The following HECTD2 variants were observed in gnomAD, a reference collection of about 807,000 sequenced individuals.
HECTD2 encodes HECT domain E3 ubiquitin protein ligase 2.
Under a neutral mutation model 103.2 loss-of-function variants are expected in HECTD2, and 35 were observed. That is an observed-to-expected ratio of 0.34 (90% CI 0.26 to 0.45). HECTD2 has a LOEUF of 0.45. HECTD2 is among the 20% of genes least tolerant of loss of function. The pLI, the probability that HECTD2 is intolerant of heterozygous loss-of-function variation, is 1.00. For missense variants in HECTD2, 596 were observed against 937.4 expected (o/e 0.64, Z 4.76); for synonymous variants, 281 against 329.9 (o/e 0.85, Z 1.61).
intron 2 of HECTD2, among the ~76,000 whole-genome samples, chr10:91,439,016 T>C (rs1263202668): frequency 6.6e-6 from 1 of 152,172 alleles, no homozygotes; most frequent in Non-Finnish European, 1.5e-5. Context: ...ATTTTCTCCA[T>C]TCTGTAGGTT....
chr10:91,451,674 T>A (rs1251790038), intron 2 of HECTD2, among the ~76,000 whole-genome samples: 2 of 152,112 alleles, frequency 1.3e-5, no homozygotes, highest in Non-Finnish European at 2.9e-5. Context: ...ATAAAAAAAT[T>A]AGCATGTTTA....
intron 2 of HECTD2, among the ~76,000 whole-genome samples, chr10:91,450,817 G>T (rs182115596): frequency 1.0e-3 from 156 of 152,224 alleles, no homozygotes; most frequent in African/African-American, 3.2e-3. Context: ...ACCACAATGA[G>T]ATACCATCTC....
chr10:91,484,562 T>C lies in HECTD2; in HGVS notation c.877T>C (p.Leu293=), dbSNP rs748847125. The change falls in exon 9 of 21, where the codon TTA becomes CTA. Residue 293 remains leucine (L), a synonymous_variant. Transcript: ENST00000298068. ...AGAGAGATTGCTGCAATTTATTTCT[T>C]TACGCCTGTTTCCTGCAAAGCCTGA... ...LVERLLQFIS[L]RLFPAKPEEF... 1.9e-6 allele frequency: 3 copies of C among 1,612,428 alleles called. No individual in the cohort carries two copies. In the East Asian group the frequency reaches 6.7e-5, roughly 36 times the overall value.
chr10:91,500,665 CA>C (rs1846864995), intron 19 of HECTD2, 48 bp downstream of exon 19: 1 of 886,130 alleles, frequency 1.1e-6, no homozygotes, highest in Non-Finnish European at 1.9e-6. Flanking sequence ...GAGGGAACAG[CA>C]GACAGTGTGG....
chr10:91,512,324 G>T lies in HECTD2; in HGVS notation c.2271G>T (p.Lys757Asn). Reference protein sequence around the residue: ...QLCLPPYKSKKDLKQKLIIGI... With the variant: ...QLCLPPYKSKNDLKQKLIIGI... ...GCCTTCCCCCCTACAAGAGCAAAAA[G>T]GATCTGAAACAGAAATTGATCATTG... Residue 757 changes from lysine (K) to asparagine (N), a missense_variant, in exon 21 of 21, where the codon AAG becomes AAT. Coordinates refer to ENST00000298068, the MANE Select transcript of HECTD2 (RefSeq NM_182765.6). 6.2e-7 allele frequency: 1 copy of T among 1,613,566 alleles called. No individual in the cohort carries two copies. The highest frequency in any genetic ancestry group is 8.5e-7 in the Non-Finnish European group (1 of 1,179,692).
chr10:91,512,181 G>T (rs1157080994), intron 20 of HECTD2, 83 bp from the exon 21 acceptor site: 1 of 1,397,306 alleles, frequency 7.2e-7, no homozygotes, highest in Non-Finnish European at 9.9e-7. Context: ...GAATGTGTGT[G>T]TCCTGGTATT....
At chr10:91,497,649 G>C (rs1846738496) in intron 15 of HECTD2, among the ~76,000 whole-genome samples, 2 of 151,854 alleles carry the variant, frequency 1.3e-5, no homozygotes, top group African/African-American at 2.4e-5. Context: ...ACTTTTTCTT[G>C]GGAGGGGAGG....
intron 2 of HECTD2, among the ~76,000 whole-genome samples, chr10:91,433,950 G>T (rs1194729837): frequency 1.3e-5 from 2 of 151,920 alleles, no homozygotes; most frequent in African/African-American, 2.4e-5. Context: ...TAAGACATCT[G>T]TTTCACTAAA....
chr10:91,454,302 T>C (rs1407937451), intron 2 of HECTD2, among the ~76,000 whole-genome samples: 1 of 152,130 alleles, frequency 6.6e-6, no homozygotes, highest in East Asian at 1.9e-4. Flanking sequence ...TTTTGAAGAA[T>C]TGAGATAATG....
rs1324225454 is a variant in HECTD2 at position 91,479,308 on chromosome 10, A to G, written c.665+1043A>G. ...GATTTGCTTGGACACTACTATTTTA[A>G]TGTATGTCTTTTTAGTTTCTATCTG... On this transcript the variant is annotated intron_variant, in intron 6 of 20. Transcript: ENST00000298068. 5.9e-5 allele frequency among the ~76,000 whole-genome samples: 9 copies of G among 152,146 alleles called. 1 individual carries two copies. The highest frequency in any genetic ancestry group is 5.9e-4 in the Admixed American group (9 of 15,274).
chr10:91,494,430 A>G (rs1025912243), intron 14 of HECTD2, among the ~76,000 whole-genome samples: 1 of 152,096 alleles, frequency 6.6e-6, no homozygotes, highest in African/African-American at 2.4e-5. Flanking sequence ...TGGGCTTGGT[A>G]GAGAGCAGCA....
At chr10:91,414,920 C>G (rs10786000) in intron 1 of HECTD2, among the ~76,000 whole-genome samples, 150,897 of 152,274 alleles carry the variant, frequency 0.99, 74,768 homozygotes, top group East Asian at 1. Context: ...GAAGCTATTG[C>G]AATTTCTGAA....
intron 6 of HECTD2, among the ~76,000 whole-genome samples, chr10:91,480,367 T>C (rs536405319): frequency 3.8e-4 from 58 of 151,940 alleles, no homozygotes; most frequent in Non-Finnish European, 2.2e-4. Flanking sequence ...CTTGTCAGCA[T>C]AGAGAATGAC....
rs544111946 is a variant in HECTD2, at chr10:91,452,723, C to CA, written c.269-7695dup. Among the ~76,000 whole-genome samples the CA allele has an allele frequency of 1.1e-3, 158 of 149,752 alleles. 1 individual carries two copies. Among genetic ancestry groups the CA allele is most frequent in the Admixed American group, 9.5e-3 (143 of 15,032 alleles). ...AAGGCCTTCACCAGATGCAGCACCTCAAAAAAAAAGGCATTGAAATAACAG... is the reference window on the plus strand; with the variant it reads ...AAGGCCTTCACCAGATGCAGCACCTCAAAAAAAAAAGGCATTGAAATAACAG... On this transcript the variant is annotated intron_variant, in intron 2 of 20. Transcript: ENST00000298068.
intron 15 of HECTD2, among the ~76,000 whole-genome samples, chr10:91,497,497 G>C (rs1310721959): frequency 2.6e-5 from 3 of 114,586 alleles, no homozygotes; most frequent in East Asian, 2.7e-4. Flanking sequence ...TTTTAGTAGA[G>C]ACAGGGTTTC....
intron 1 of HECTD2, among the ~76,000 whole-genome samples, chr10:91,411,753 A>G (rs1196264262): frequency 6.6e-6 from 1 of 152,254 alleles, no homozygotes; most frequent in Non-Finnish European, 1.5e-5. Flanking sequence ...TGATTGGTAG[A>G]TTGGAGCTGG....
At chr10:91,460,642 A>G (rs1258997912) in intron 3 of HECTD2, 77 bp downstream of exon 3, 4 of 1,405,686 alleles carry the variant, frequency 2.8e-6, no homozygotes, top group Non-Finnish European at 3.8e-6. Context: ...TCTTTATTTG[A>G]GAAATTAACT....
chr10:91,505,539 G>A (rs367546472), intron 20 of HECTD2, among the ~76,000 whole-genome samples: 4 of 150,130 alleles, frequency 2.7e-5, no homozygotes, highest in Admixed American at 6.6e-5. Flanking sequence ...CCATTACATA[G>A]TGGTAAAGGG....
chr10:91,466,167 GT>G (rs1421330604), intron 5 of HECTD2, among the ~76,000 whole-genome samples: 1 of 152,080 alleles, frequency 6.6e-6, no homozygotes, highest in South Asian at 2.1e-4. Context: ...TTGGTAGATT[GT>G]GTTTTTCAGT....
Sources: allele counts gnomAD v4.1 joint callset (sites outside exome capture counted in the v4.1 genomes callset), GRCh38; gene constraint gnomAD v4.1.1; transcripts MANE v1.5; gene names NCBI Gene and HGNC (gene_info 2026-07-23, HGNC 2026-07-21).